The following OR7C1 variants were observed in gnomAD, a reference collection of about 807,000 sequenced individuals.
OR7C1 encodes the protein olfactory receptor 7C1.
For missense variants in OR7C1, 324 were observed against 383.3 expected, an observed-to-expected ratio of 0.85 and a Z score of 1.29; for synonymous variants, 152 against 160.7, an observed-to-expected ratio of 0.95 and a Z score of 0.41.
chr19:14,827,858 G>A, intron 1 of OR7C1: 1 of 1,614,196 alleles, frequency 6.2e-7, no homozygotes, highest in Non-Finnish European at 8.5e-7. Flanking sequence ...AGTGCAGGGG[G>A]TGACAGATGG....
chr19:14,799,164 G>C, exon 5 of OR7C1: 1 of 1,594,168 alleles, frequency 6.3e-7, no homozygotes, highest in Non-Finnish European at 8.5e-7. Context: ...AATGGTCCAA[G>C]CCTTGCTACT....
intron 1 of OR7C1, among the ~76,000 whole-genome samples, chr19:14,817,601 C>T (rs376604846): frequency 3.3e-5 from 5 of 152,172 alleles, no homozygotes; most frequent in African/African-American, 2.4e-5. Flanking sequence ...TCAGAGAGAA[C>T]GGAAGCTGGG....
chr19:14,799,012 G>A (rs182847475), exon 5 of OR7C1: 224 of 781,154 alleles, frequency 2.9e-4, no homozygotes, highest in Non-Finnish European at 3.6e-4. Flanking sequence ...ACCTTGCCAA[G>A]GACTCTGTGG....
chr19:14,811,859 T>C (rs1267436296), intron 1 of OR7C1, among the ~76,000 whole-genome samples: 2 of 152,042 alleles, frequency 1.3e-5, no homozygotes, highest in Non-Finnish European at 2.9e-5. Context: ...TAAATACAGA[T>C]GAAGCTTCAC....
chr19:14,814,993 T>A (rs1446328857), intron 1 of OR7C1, among the ~76,000 whole-genome samples: 1 of 152,208 alleles, frequency 6.6e-6, no homozygotes, highest in East Asian at 1.9e-4. Flanking sequence ...TCACACACCC[T>A]ACCCTTAAAG....
chr19:14,809,665 C>T (rs1166391381), intron 2 of OR7C1, 141 bp downstream of exon 2: 1 of 152,496 alleles, frequency 6.6e-6, no homozygotes, highest in Non-Finnish European at 1.5e-5. Flanking sequence ...CTGCAAGAAT[C>T]CCCTTCAGAG....
intron 1 of OR7C1, among the ~76,000 whole-genome samples, chr19:14,818,374 G>A (rs1168229437): frequency 6.6e-6 from 1 of 152,062 alleles, no homozygotes; most frequent in Admixed American, 6.6e-5. Flanking sequence ...GATTACAGGC[G>A]TGAGCCACCG....
At chr19:14,816,553 A>T (rs2145064456) in intron 1 of OR7C1, among the ~76,000 whole-genome samples, 1 of 152,268 alleles carries the variant, frequency 6.6e-6, no homozygotes, top group East Asian at 1.9e-4. Context: ...TTGGACTTAC[A>T]GCAGTGGTTT....
intron 1 of OR7C1, among the ~76,000 whole-genome samples, chr19:14,820,468 T>C (rs1599920591): frequency 1.3e-5 from 2 of 152,040 alleles, no homozygotes; most frequent in Non-Finnish European, 2.9e-5. Context: ...AAAACCTAGA[T>C]GACGGGTTGA....
chr19:14,830,110 A>G (rs967868194), intron 1 of OR7C1, among the ~76,000 whole-genome samples: 1 of 152,052 alleles, frequency 6.6e-6, no homozygotes, highest in Admixed American at 6.6e-5. Flanking sequence ...TGAACCTTCC[A>G]CTTTGGCCTC....
At chr19:14,827,944 G>A (rs1212366472) in intron 1 of OR7C1, 1 of 1,614,082 alleles carries the variant, frequency 6.2e-7, no homozygotes, top group Non-Finnish European at 8.5e-7. Context: ...AAATACATCT[G>A]CATGAGGCAG....
rs763277361 is a variant in OR7C1, at chr19:14,827,268, T to G, written c.-623+7806A>C. 5.9e-5 allele frequency: 91 copies of G among 1,529,632 alleles called. 2 individuals carry two copies. The South Asian group carries it at 1.1e-3, about 19-fold the overall frequency. 94.8% of individuals were successfully genotyped at this position (1,529,632 alleles called of 1,614,324 possible). On this transcript the variant is annotated intron_variant, in intron 1 of 4. Transcript: ENST00000641666. ...GAATGACAGTTACTACCTCTGAAGCTTAGAGCCCTGCAATCATGGGCACTT... is the reference window on the plus strand; with the variant it reads ...GAATGACAGTTACTACCTCTGAAGCGTAGAGCCCTGCAATCATGGGCACTT...
intron 1 of OR7C1, chr19:14,827,724 T>G: frequency 6.2e-7 from 1 of 1,614,116 alleles, no homozygotes; most frequent in Non-Finnish European, 8.5e-7. Flanking sequence ...GTGGGGGATT[T>G]CTAAGGCTGT....
exon 5 of OR7C1, chr19:14,799,678 G>A: frequency 1.2e-6 from 2 of 1,614,142 alleles, no homozygotes; most frequent in Non-Finnish European, 1.7e-6. Context: ...GGGAACCCAT[G>A]ACACTGATGC....
intron 1 of OR7C1, among the ~76,000 whole-genome samples, chr19:14,834,643 T>A (rs1459749806): frequency 6.6e-6 from 1 of 150,542 alleles, no homozygotes; most frequent in Non-Finnish European, 1.5e-5. Flanking sequence ...TTCATCTGGA[T>A]TTTTCTCACG....
At chr19:14,827,369 A>T in intron 1 of OR7C1, 1 of 1,611,562 alleles carries the variant, frequency 6.2e-7, no homozygotes, top group Non-Finnish European at 8.5e-7. Context: ...TATTCCTCAG[A>T]CTATAGATAA....
At chr19:14,815,537 C>G (rs55949434) in intron 1 of OR7C1, among the ~76,000 whole-genome samples, 44,637 of 152,098 alleles carry the variant, frequency 0.29, 6,913 homozygotes, top group African/African-American at 0.37. Context: ...ATGCTTCCCA[C>G]TCTGTGGGAT....
chr19:14,824,441 T>C (rs908906416), intron 1 of OR7C1: 2 of 152,222 alleles, frequency 1.3e-5, no homozygotes, highest in South Asian at 2.1e-4. Context: ...GTGTACCCAA[T>C]GTTTAGCTCG....
intron 1 of OR7C1, among the ~76,000 whole-genome samples, chr19:14,830,553 C>G (rs981119501): frequency 3.3e-5 from 5 of 152,012 alleles, no homozygotes; most frequent in African/African-American, 1.2e-4. Flanking sequence ...CTCCTCGATG[C>G]CTGGCAAAAT....
Sources: gnomAD v4.1 joint callset for allele counts (sites outside exome capture counted in the v4.1 genomes callset) on GRCh38, gnomAD v4.1.1 for gene constraint, MANE v1.5 for transcripts, NCBI Gene and HGNC (gene_info 2026-07-23, HGNC 2026-07-21) for gene names.